Variants in SV2B observed in about 807,000 individuals in gnomAD.
SV2B encodes the protein solute carrier family 22 member B2.
In SV2B, 41 loss-of-function variants were observed where a neutral mutation model predicts 73.9. That is an observed-to-expected ratio of 0.56 (90% CI 0.43 to 0.72). The LOEUF is 0.72. Among genes scored for constraint, SV2B ranks in the 30% least tolerant of loss-of-function variants. The pLI is 0.00. For synonymous variants in SV2B, 314 were observed against 314.2 expected (o/e 1.00, Z 0.01); for missense variants, 764 against 857.8 (o/e 0.89, Z 1.37).
intron 1 of SV2B, among the ~76,000 whole-genome samples, chr15:91,191,423 C>T (rs927827808): frequency 6.6e-6 from 1 of 152,090 alleles, no homozygotes; most frequent in African/African-American, 2.4e-5. Flanking sequence ...TAATCCCCCC[C>T]ACCTTCATAT....
In SV2B at chr15:91,266,921, C is replaced by G. The variant is rs959279631; in HGVS notation, c.1119+229C>G. The G allele has an allele frequency of 7.6e-6, 3 of 392,604 alleles. No homozygotes were observed. The Admixed American group carries it at 1.3e-4, about 17-fold the overall frequency. 24.3% of individuals were successfully genotyped at this position (392,604 alleles called of 1,614,324 possible). A position where few individuals can be genotyped will look rare whatever the true frequency, so the allele number is the denominator to read the frequency against. On this transcript the variant is annotated intron_variant, in intron 7 of 12. Coordinates refer to ENST00000394232, the MANE Select transcript of SV2B (RefSeq NM_001323032.3). The stretch of plus-strand genomic sequence containing the variant: ...TCTTAGTTTCTTTTCTTTGTTCTTC[C>G]TTCCCAAGGCAGGGATTTTGAATGT...
chr15:91,271,702 G>C (rs926885772), intron 9 of SV2B, among the ~76,000 whole-genome samples: 1 of 152,090 alleles, frequency 6.6e-6, no homozygotes, highest in Admixed American at 6.5e-5. Context: ...AGGAACCTTT[G>C]AAAGCGATCT....
chr15:91,281,724 A>T lies in SV2B; in HGVS notation c.1374-4A>T, dbSNP rs1317935079. On this transcript the variant is annotated splice_polypyrimidine_tract_variant and splice_region_variant and intron_variant, in intron 9 of 12. Transcript: ENST00000394232. This position sits in a 1 kb window ranked among gnomAD's most constrained non-coding sequence, Gnocchi z 4.7. ...ATCACTCAAGGGTCAACCTCTTCCC[A>T]CAGGTTCACAAGAATGTACTTTAAA... 6.3e-7 allele frequency: 1 copy of T among 1,593,616 alleles called. No individual in the cohort carries two copies. The highest frequency in any genetic ancestry group is 1.1e-5 in the South Asian group (1 of 88,320).
At chr15:91,235,198 C>T (rs982433846) in intron 2 of SV2B, among the ~76,000 whole-genome samples, 1 of 152,082 alleles carries the variant, frequency 6.6e-6, no homozygotes, top group African/African-American at 2.4e-5. Context: ...ATAGTAGAAG[C>T]CATTTGAGTG....
chr15:91,156,294 C>T (rs1382618724), intron 1 of SV2B, among the ~76,000 whole-genome samples: 1 of 152,082 alleles, frequency 6.6e-6, no homozygotes, highest in South Asian at 2.1e-4. Flanking sequence ...GACAAGAGGC[C>T]CAGTGTGACT....
intron 4 of SV2B, among the ~76,000 whole-genome samples, chr15:91,256,690 G>A (rs1259707380): frequency 6.6e-6 from 1 of 152,216 alleles, no homozygotes; most frequent in African/African-American, 2.4e-5. Context: ...AAAGAGATTT[G>A]ATTCTGATTG....
intron 9 of SV2B, among the ~76,000 whole-genome samples, chr15:91,277,466 T>C (rs182329890): frequency 2.0e-5 from 3 of 152,324 alleles, no homozygotes; most frequent in Admixed American, 2.0e-4. Flanking sequence ...CCTCCTGGAT[T>C]TCCCCATGCC....
chr15:91,244,165 C>T (rs2141578219), intron 2 of SV2B, among the ~76,000 whole-genome samples: 1 of 152,326 alleles, frequency 6.6e-6, no homozygotes, highest in East Asian at 1.9e-4. Flanking sequence ...TCAGTTTCCT[C>T]ATCTGTTAAA....
intron 1 of SV2B, among the ~76,000 whole-genome samples, chr15:91,151,212 A>C (rs2043304934): frequency 6.6e-6 from 1 of 152,256 alleles, no homozygotes; most frequent in African/African-American, 2.4e-5. Context: ...CCATTGAAAC[A>C]AAACAAAAGC....
rs2049402042 is a variant in SV2B, at chr15:91,300,339, A to AT, written c.*7793dup. The AT allele has an allele frequency of 6.6e-6, 1 of 152,214 alleles. No individual in the cohort carries two copies. The highest frequency in any genetic ancestry group is 2.4e-5 in the African/African-American group (1 of 41,524). 9.4% of individuals were successfully genotyped at this position (152,214 alleles called of 1,614,324 possible). A position where few individuals can be genotyped will look rare whatever the true frequency, so the allele number is the denominator to read the frequency against. ...TCTACCAGACCAAAAGGGTGTCTCT[A>AT]TTTTTTGTTGTTACTTCTCTGTTCT... is the stretch of plus-strand genomic sequence containing the variant. On this transcript the variant is annotated 3_prime_UTR_variant, in exon 13 of 13. Transcript: ENST00000394232.
Position 91,296,391 on chromosome 15 carries a change from A to C in SV2B, c.*3839A>C, listed in dbSNP as rs187448633. 2 of 152,342 alleles carry C rather than the reference A, an allele frequency of 1.3e-5. No homozygotes were observed. Among genetic ancestry groups the C allele is most frequent in the African/African-American group, 4.8e-5 (2 of 41,474 alleles). The allele number at this position is 152,342 out of a possible 1,614,324, so 9.4% of individuals were successfully genotyped here. ...GTTTGTTTTACTCTCATGTGAAGGG[A>C]ATCTGGAGGAAGGAAAGCCAGGGCT... On this transcript the variant is annotated 3_prime_UTR_variant, in exon 13 of 13. Coordinates refer to ENST00000394232, the MANE Select transcript of SV2B (RefSeq NM_001323032.3).
chr15:91,135,874 C>T (rs564285423), intron 1 of SV2B, among the ~76,000 whole-genome samples: 1 of 152,198 alleles, frequency 6.6e-6, no homozygotes, highest in Non-Finnish European at 1.5e-5. Context: ...TAACCCAGGT[C>T]TGCCTCTCCT....
At position 91,266,574 on chromosome 15, in the gene SV2B, C is replaced by T; in HGVS notation, c.1009-8C>T. On this transcript the variant is annotated splice_region_variant and splice_polypyrimidine_tract_variant and intron_variant, in intron 6 of 12. Coordinates refer to ENST00000394232, the MANE Select transcript of SV2B (RefSeq NM_001323032.3). ...TCAAATTCTCTATATCCTATTTTTA[C>T]TTTTCAGGTTTCCAACATCAAAACT... 1 of 1,609,074 alleles carries T rather than the reference C, an allele frequency of 6.2e-7. No individual in the cohort carries two copies. The highest frequency in any genetic ancestry group is 8.5e-7 in the Non-Finnish European group (1 of 1,176,034).
intron 1 of SV2B, among the ~76,000 whole-genome samples, chr15:91,168,805 C>T (rs1233020142): frequency 1.3e-5 from 2 of 152,152 alleles, no homozygotes; most frequent in African/African-American, 2.4e-5. Flanking sequence ...GATTTTAGTT[C>T]TAATCAGTGG....
At chr15:91,207,905 G>A (rs1475463662) in intron 1 of SV2B, among the ~76,000 whole-genome samples, 1 of 152,134 alleles carries the variant, frequency 6.6e-6, no homozygotes, top group Non-Finnish European at 1.5e-5. Context: ...GTCACAGGAG[G>A]GCCTTCAGGG....
intron 1 of SV2B, among the ~76,000 whole-genome samples, chr15:91,135,352 T>G (rs150080062): frequency 3.9e-4 from 59 of 152,340 alleles, no homozygotes; most frequent in African/African-American, 1.3e-3. Context: ...CATGAATCTT[T>G]CACTCTTCCC....
At chr15:91,262,621 C>T (rs1208344714) in intron 6 of SV2B, among the ~76,000 whole-genome samples, 1 of 152,112 alleles carries the variant, frequency 6.6e-6, no homozygotes, top group Admixed American at 6.5e-5. Context: ...CCACCCTCCA[C>T]CCCCAAGTAG....
chr15:91,247,836 AGGTCTAGGAG>A (rs1455216813), intron 2 of SV2B, among the ~76,000 whole-genome samples: 11 of 152,192 alleles, frequency 7.2e-5, no homozygotes, highest in Non-Finnish European at 1.5e-5. Context: ...GGACCAAGTA[AGGTCTAGGAG>A]GGTGGCTTTG....
intron 1 of SV2B, among the ~76,000 whole-genome samples, chr15:91,221,193 AG>A (rs1484738942): frequency 6.6e-6 from 1 of 152,204 alleles, no homozygotes; most frequent in Non-Finnish European, 1.5e-5. Context: ...CAACAATAAT[AG>A]CTATTAGATC....
Sources: gnomAD v4.1 joint callset for allele counts (sites outside exome capture counted in the v4.1 genomes callset) on GRCh38, gnomAD v4.1.1 for gene constraint, Gnocchi (gnomAD v3.1) non-coding constraint, MANE v1.5 for transcripts, NCBI Gene and HGNC (gene_info 2026-07-23, HGNC 2026-07-21) for gene names.